KLRD1: variants seen among roughly 807,000 people sequenced by gnomAD.
KLRD1 encodes the protein natural killer cells antigen CD94.
A neutral mutation model predicts 22.6 loss-of-function variants in KLRD1; 21 were observed. The observed-to-expected ratio is 0.93, with a 90% confidence interval of 0.66 to 1.34. The LOEUF is 1.34. Ranked by LOEUF, KLRD1 falls within the 40% of genes most tolerant of loss-of-function variation. KLRD1 has a pLI of 0.00. For synonymous variants in KLRD1, 59 were observed against 71.1 expected (o/e 0.83, Z 0.85); for missense variants, 183 against 208.6 (o/e 0.88, Z 0.76).
At chr12:10,290,543 C>A (rs1370155874) in intron 1 of KLRD1, among the ~76,000 whole-genome samples, 1 of 152,116 alleles carries the variant, frequency 6.6e-6, no homozygotes, top group Non-Finnish European at 1.5e-5. Flanking sequence ...TAATAGAATG[C>A]CTGATACATG....
At chr12:10,282,931 A>G (rs111715734) in intron 1 of KLRD1, among the ~76,000 whole-genome samples, 2 of 152,256 alleles carry the variant, frequency 1.3e-5, no homozygotes, top group African/African-American at 4.8e-5. Context: ...AGGTAGAAAT[A>G]AAGACAGAGA....
At chr12:10,302,387 A>G (rs950131729), upstream of KLRD1, among the ~76,000 whole-genome samples, 2 of 152,230 alleles carry the variant, frequency 1.3e-5, no homozygotes, top group African/African-American at 4.8e-5. Context: ...TGCTGATGTC[A>G]GTGGCAGGTA....
chr12:10,257,425 A>C (rs994710447), intron 1 of KLRD1, among the ~76,000 whole-genome samples: 5 of 148,378 alleles, frequency 3.4e-5, no homozygotes, highest in Non-Finnish European at 7.4e-5. Flanking sequence ...TCTTTTAAAA[A>C]ATTTCTTGTC....
upstream of KLRD1, among the ~76,000 whole-genome samples, chr12:10,307,637 T>C (rs1949953947): frequency 6.6e-6 from 1 of 152,228 alleles, no homozygotes; most frequent in African/African-American, 2.4e-5. Context: ...AATTTTGTTA[T>C]GCTAAGTAAA....
intron 1 of KLRD1, among the ~76,000 whole-genome samples, chr12:10,267,947 A>G (rs1029166120): frequency 2.6e-5 from 4 of 152,194 alleles, no homozygotes; most frequent in African/African-American, 9.6e-5. Context: ...TAGCTGGGGA[A>G]GGGAGCTGTG....
intron 1 of KLRD1, among the ~76,000 whole-genome samples, chr12:10,282,566 A>G (rs1473454638): frequency 1.3e-5 from 2 of 152,200 alleles, no homozygotes; most frequent in African/African-American, 2.4e-5. Flanking sequence ...AAATAAAAAT[A>G]TAATTACTAT....
rs1431497615 is a variant in KLRD1 at position 10,317,642 on chromosome 12, T to C, written c.*2849T>C. ...CTACTTTTCTTTAATAAATCTGCCTTCCTTTACCTACAGCTGTCTTGGTAA... is the reference window on the plus strand; with the variant it reads ...CTACTTTTCTTTAATAAATCTGCCTCCCTTTACCTACAGCTGTCTTGGTAA... On this transcript the variant is annotated 3_prime_UTR_variant, in exon 6 of 6. Coordinates refer to ENST00000336164, the MANE Select transcript of KLRD1 (RefSeq NM_002262.5). 2 of 152,242 alleles carry C rather than the reference T, an allele frequency of 1.3e-5. No homozygotes were observed. Among genetic ancestry groups the C allele is most frequent in the Non-Finnish European group, 2.9e-5 (2 of 68,050 alleles). The allele number at this position is 152,242 out of a possible 1,614,324, so 9.4% of individuals were successfully genotyped here.
intron 1 of KLRD1, among the ~76,000 whole-genome samples, chr12:10,254,296 A>C (rs7975906): frequency 0.81 from 121,478 of 150,850 alleles, 53,248 homozygotes; most frequent in Non-Finnish European, 0.98. Flanking sequence ...GGCGCGGTGG[A>C]GGGCGCCTGT....
chr12:10,245,795 A>G (rs902910976), intron 1 of KLRD1, among the ~76,000 whole-genome samples: 5 of 151,894 alleles, frequency 3.3e-5, no homozygotes, highest in African/African-American at 9.7e-5. Context: ...CTCTCTTTTC[A>G]TGTTTTATTT....
rs1005944510 is a variant in KLRD1, at chr12:10,324,307, A to T, written c.*9514A>T. The T allele has an allele frequency of 6.6e-6, 1 of 152,090 alleles. No homozygotes were observed. The highest frequency in any genetic ancestry group is 2.4e-5 in the African/African-American group (1 of 41,390). 9.4% of individuals were successfully genotyped at this position (152,090 alleles called of 1,614,324 possible). A position where few individuals can be genotyped will look rare whatever the true frequency, so the allele number is the denominator to read the frequency against. ...CTTATATGAGTACATTGCATGTTGC[A>T]GTGGTTTGGTGTACAGATAATTTTG... On this transcript the variant is annotated 3_prime_UTR_variant, in exon 6 of 6. Coordinates refer to ENST00000336164, the MANE Select transcript of KLRD1 (RefSeq NM_002262.5).
rs1427835522 is a variant in KLRD1 at position 10,318,890 on chromosome 12, G to GAACCTTAT, written c.*4100_*4107dup. 7.0e-6 allele frequency: 1 copy of GAACCTTAT among 142,482 alleles called. No individual in the cohort carries two copies. The highest frequency in any genetic ancestry group is 1.5e-5 in the Non-Finnish European group (1 of 65,686). The allele number at this position is 142,482 out of a possible 1,614,324, so 8.8% of individuals were successfully genotyped here. The stretch of plus-strand genomic sequence containing the variant: ...AAGCTTTTCATAAGTATGCTCATTA[G>GAACCTTAT]AACCTTATAATTCATTTCAGTTATC... On this transcript the variant is annotated 3_prime_UTR_variant, in exon 6 of 6. Transcript: ENST00000336164.
At chr12:10,296,443 G>A (rs1251732307) in intron 1 of KLRD1, among the ~76,000 whole-genome samples, 1 of 152,140 alleles carries the variant, frequency 6.6e-6, no homozygotes, top group Non-Finnish European at 1.5e-5. Flanking sequence ...GTGAACCCGG[G>A]AGGTGGAGCT....
At chr12:10,263,691 G>A (rs1259826156) in intron 1 of KLRD1, among the ~76,000 whole-genome samples, 1 of 152,032 alleles carries the variant, frequency 6.6e-6, no homozygotes, top group Non-Finnish European at 1.5e-5. Context: ...ATGTCCCCAT[G>A]ATTTTAAGTT....
At chr12:10,270,457 G>A (rs1215927396) in intron 1 of KLRD1, among the ~76,000 whole-genome samples, 1 of 152,130 alleles carries the variant, frequency 6.6e-6, no homozygotes, top group Non-Finnish European at 1.5e-5. Flanking sequence ...TTCAAAAAGA[G>A]AGAAGTTGGC....
intron 1 of KLRD1, among the ~76,000 whole-genome samples, chr12:10,274,761 A>C (rs1470265103): frequency 6.6e-6 from 1 of 152,198 alleles, no homozygotes; most frequent in African/African-American, 2.4e-5. Context: ...TTACAACTCC[A>C]TAAATTTATG....
At chr12:10,274,275 A>G (rs1204749576) in intron 1 of KLRD1, among the ~76,000 whole-genome samples, 3 of 152,142 alleles carry the variant, frequency 2.0e-5, no homozygotes, top group Non-Finnish European at 2.9e-5. Context: ...TTGAAACTCC[A>G]TTTCAAAAAA....
chr12:10,278,951 CT>C (rs1167243705), intron 1 of KLRD1, among the ~76,000 whole-genome samples: 871 of 75,766 alleles, frequency 0.011, 4 homozygotes, highest in African/African-American at 0.027. Flanking sequence ...TTTTACAATT[CT>C]TTTTTTTTTT....
rs1390888696 is a variant in KLRD1 at position 10,313,728 on chromosome 12, A to C, written c.419+215A>C. On this transcript the variant is annotated intron_variant, in intron 5 of 5. Transcript: ENST00000336164. ...AAAATCAAAACAGAAGATAATGCCT[A>C]ATGAAAGGAGGTCGGGGTATAGGAT... 6.6e-5 allele frequency among the ~76,000 whole-genome samples: 10 copies of C among 152,188 alleles called. 1 individual carries two copies. The highest frequency in any genetic ancestry group is 2.4e-4 in the African/African-American group (10 of 41,446).
intron 1 of KLRD1, among the ~76,000 whole-genome samples, chr12:10,294,477 C>A (rs1434316126): frequency 6.6e-6 from 1 of 152,150 alleles, no homozygotes; most frequent in Non-Finnish European, 1.5e-5. Flanking sequence ...CGGCTCACTG[C>A]AACCTCTGCC....
Sources: gnomAD v4.1 joint callset for allele counts (sites outside exome capture counted in the v4.1 genomes callset) on GRCh38, gnomAD v4.1.1 for gene constraint, MANE v1.5 for transcripts, NCBI Gene and HGNC (gene_info 2026-07-23, HGNC 2026-07-21) for gene names.